TTBK1: variants seen among roughly 807,000 people sequenced by gnomAD.
TTBK1 encodes tau-tubulin kinase 1.
A neutral mutation model predicts 108.5 loss-of-function variants in TTBK1; 34 were observed. The observed-to-expected ratio is 0.31, with a 90% CI of 0.24 to 0.42. The LOEUF (loss-of-function observed/expected upper bound fraction) is 0.42, where lower values mean the gene tolerates loss of function less well. TTBK1 is among the 10% of genes least tolerant of loss of function. The pLI, the probability that TTBK1 is intolerant of heterozygous loss-of-function variation, is 1.00. For missense variants in TTBK1, 1,539 were observed against 1,826.0 expected, an observed-to-expected ratio of 0.84 and a Z score of 2.86; for synonymous variants, 809 against 795.1, an observed-to-expected ratio of 1.02 and a Z score of -0.29.
rs748847079 is a variant in TTBK1 at position 43,284,239 on chromosome 6, C to A, written c.3499C>A (p.Pro1167Thr). The change falls in exon 14 of 15, where the codon CCT (proline) becomes ACT (threonine). Residue 1167 changes from proline (P) to threonine (T), a missense_variant. This residue lies in a region of TTBK1 where 1,055 missense variants were observed against 1,086.5 expected (regional missense o/e 0.97). Transcript: ENST00000259750. ...PRPIGLRMPMPVAAQQPASRS... is the reference protein window; with the variant it reads ...PRPIGLRMPMTVAAQQPASRS... ...CCCCATTGGCCTCCGCATGCCCATG[C>A]CTGTTGCAGCCCAGCAGCCCGCCAG... 6.3e-7 allele frequency: 1 copy of A among 1,596,526 alleles called. No homozygotes were observed. The highest frequency in any genetic ancestry group is 8.5e-7 in the Non-Finnish European group (1 of 1,178,418).
chr6:43,263,141 G>A lies in TTBK1; in HGVS notation c.1777G>A (p.Val593Ile), dbSNP rs1173499881. ...ERRRLGAEPT[V>I]RPRGRSMQAL... is the part of the protein sequence containing the mutation. ...GCGGCGGCTGGGGGCAGAGCCCACC[G>A]TCCGGCCCCGGGGACGCAGCATGCA... The change falls in exon 13 of 15, where the codon GTC (valine) becomes ATC (isoleucine). Residue 593 changes from valine to isoleucine, a missense_variant. By Grantham distance (29) the Val-to-Ile change is conservative. Transcript: ENST00000259750. The surrounding 1 kb of genome is among the most constrained non-coding windows in gnomAD (Gnocchi z 4.7). 5 of 1,567,252 alleles carry A rather than the reference G, an allele frequency of 3.2e-6. No homozygotes were observed. Among genetic ancestry groups the A allele is most frequent in the Non-Finnish European group, 4.3e-6 (5 of 1,154,938 alleles).
Position 43,285,516 on chromosome 6 carries a change from G to C in TTBK1, c.*140G>C. 1 of 1,129,220 alleles carries C rather than the reference G, an allele frequency of 8.9e-7. No individual in the cohort carries two copies. Among genetic ancestry groups the C allele is most frequent in the South Asian group, 4.6e-5 (1 of 21,770 alleles). 70.0% of individuals were successfully genotyped at this position (1,129,220 alleles called of 1,614,324 possible). Reference sequence around the variant, plus strand: ...GCCCCAGCTTTCCGCCTGCACCCGCGAGGACGCGCGCGAGCACACGCGGCG... The same window carrying C: ...GCCCCAGCTTTCCGCCTGCACCCGCCAGGACGCGCGCGAGCACACGCGGCG... On this transcript the variant is annotated 3_prime_UTR_variant, in exon 15 of 15. Transcript: ENST00000259750. The surrounding 1 kb of genome is among the most constrained non-coding windows in gnomAD (Gnocchi z 4.7).
Position 43,278,569 on chromosome 6 carries a change from G to A in TTBK1, c.1987-4158G>A, listed in dbSNP as rs114229717. ...GCAACTCTGGACAATGTTGTGCCAA[G>A]CCAGGCCTGGGAACCACAATAAGCA... On this transcript the variant is annotated intron_variant, in intron 13 of 14. Transcript: ENST00000259750. 5.2e-3 allele frequency among the ~76,000 whole-genome samples: 798 copies of A among 152,314 alleles called. 7 individuals carry two copies. The highest frequency in any genetic ancestry group is 0.018 in the African/African-American group (753 of 41,558).
Position 43,282,138 on chromosome 6 carries a change from C to A in TTBK1, c.1987-589C>A, listed in dbSNP as rs1313744029. 1.3e-5 allele frequency among the ~76,000 whole-genome samples: 2 copies of A among 152,244 alleles called. No homozygotes were observed. The highest frequency in any genetic ancestry group is 2.9e-5 in the Non-Finnish European group (2 of 68,040). On this transcript the variant is annotated intron_variant, in intron 13 of 14. Coordinates refer to ENST00000259750, the MANE Select transcript of TTBK1 (RefSeq NM_032538.3). The surrounding 1 kb of genome is among the most constrained non-coding windows in gnomAD (Gnocchi z 5.4). The stretch of plus-strand genomic sequence containing the variant: ...TTTTAAGGGTAGAGGACAGCCCCGC[C>A]TTTGCCCTTGTCCAGCACAGGATCT...
chr6:43,271,701 C>A, intron 13 of TTBK1: 1 of 985,330 alleles, frequency 1.0e-6, no homozygotes, highest in Non-Finnish European at 1.2e-6. Flanking sequence ...TCATCCACAC[C>A]ATTCACATAA....
At position 43,279,602 on chromosome 6, in the gene TTBK1, A is replaced by C. The variant is rs754062087; in HGVS notation, c.1987-3125A>C. ...TCCAGCCATTTTCTCTAGCCATAAC[A>C]TTGGTGACTGGCAAAGTGTCCCAGC... On this transcript the variant is annotated intron_variant, in intron 13 of 14. Transcript: ENST00000259750. Among the ~76,000 whole-genome samples the C allele has an allele frequency of 1.7e-3, 258 of 152,212 alleles. 1 individual carries two copies. The highest frequency in any genetic ancestry group is 0.014 in the Middle Eastern group (4 of 294).
chr6:43,265,011 T>C lies in TTBK1; in HGVS notation c.1986+1661T>C, dbSNP rs1328494611. On this transcript the variant is annotated intron_variant, in intron 13 of 14. Coordinates refer to ENST00000259750, the MANE Select transcript of TTBK1 (RefSeq NM_032538.3). This position sits in a 1 kb window ranked among gnomAD's most constrained non-coding sequence, Gnocchi z 4.1. ...TTCTGACAAGGACAGGGTGTCAGAA[T>C]AGGCAGAGAGCCACTGGCCTGACCA... 6.6e-6 allele frequency among the ~76,000 whole-genome samples: 1 copy of C among 152,202 alleles called. No homozygotes were observed. Among genetic ancestry groups the C allele is most frequent in the African/African-American group, 2.4e-5 (1 of 41,456 alleles).
chr6:43,272,197 A>G, intron 13 of TTBK1: 3 of 985,374 alleles, frequency 3.0e-6, no homozygotes, highest in Non-Finnish European at 3.6e-6. Context: ...AGTGTGGGCA[A>G]GGGCCCCCCC....
chr6:43,262,611 G>A (rs1164714573), intron 12 of TTBK1, among the ~76,000 whole-genome samples, 178 bp from the exon 13 acceptor site: 3 of 152,224 alleles, frequency 2.0e-5, no homozygotes, highest in African/African-American at 4.8e-5. Context: ...AACTAACAAA[G>A]CCTTGATAGG....
Position 43,253,217 on chromosome 6 carries a change from C to T in TTBK1, c.257-74C>T. 6.5e-7 allele frequency: 1 copy of T among 1,530,800 alleles called. No homozygotes were observed. Among genetic ancestry groups the T allele is most frequent in the Admixed American group, 1.7e-5 (1 of 59,856 alleles). 94.8% of individuals were successfully genotyped at this position (1,530,800 alleles called of 1,614,324 possible). On this transcript the variant is annotated intron_variant, in intron 3 of 14. Transcript: ENST00000259750. This position sits in a 1 kb window ranked among gnomAD's most constrained non-coding sequence, Gnocchi z 5.8. Reference sequence around the variant, plus strand: ...GGAGGGACCAGGAATCAAGAGTGCACTAGGAACCCATCTTAGGGTTGGAAA... The same window carrying T: ...GGAGGGACCAGGAATCAAGAGTGCATTAGGAACCCATCTTAGGGTTGGAAA...
intron 13 of TTBK1, among the ~76,000 whole-genome samples, chr6:43,264,355 C>G (rs1258468291): frequency 6.6e-6 from 1 of 152,046 alleles, no homozygotes; most frequent in Non-Finnish European, 1.5e-5. Context: ...TGCACTCCAG[C>G]CTGGGTGACA....
intron 7 of TTBK1, 83 bp downstream of exon 7, chr6:43,255,197 G>GA: frequency 1.3e-5 from 8 of 638,344 alleles, no homozygotes; most frequent in Middle Eastern, 2.9e-4. Flanking sequence ...GAGGGGTGGG[G>GA]AGAGGAGAGT....
At chr6:43,255,969 C>G in intron 9 of TTBK1, 113 bp downstream of exon 9, 1 of 1,372,362 alleles carries the variant, frequency 7.3e-7, no homozygotes, top group South Asian at 1.3e-5. Flanking sequence ...CCCCAAGCCT[C>G]TCCCCTTGGT....
intron 1 of TTBK1, among the ~76,000 whole-genome samples, chr6:43,244,025 C>T (rs919598735): frequency 6.6e-6 from 1 of 152,136 alleles, no homozygotes; most frequent in Non-Finnish European, 1.5e-5. Context: ...TCGGCTGTCT[C>T]CGTAACCTCC....
At chr6:43,264,063 T>C (rs1054093317) in intron 13 of TTBK1, among the ~76,000 whole-genome samples, 1 of 152,058 alleles carries the variant, frequency 6.6e-6, no homozygotes, top group African/African-American at 2.4e-5. Flanking sequence ...TGAGTGGTTT[T>C]GAAGGGAATG....
chr6:43,283,618 C>G lies in TTBK1; in HGVS notation c.2878C>G (p.Leu960Val), dbSNP rs958470285. The G allele has an allele frequency of 3.7e-6, 6 of 1,614,026 alleles. No homozygotes were observed. The highest frequency in any genetic ancestry group is 5.1e-6 in the Non-Finnish European group (6 of 1,180,016). Reference protein sequence around the residue: ...RSEEFSAGGELGLELASDGGA... With the variant: ...RSEEFSAGGEVGLELASDGGA... ...TGAGGAGTTCAGCGCTGGGGGCGAGCTGGGTCTGGAGCTGGCCTCTGATGG... is the reference window on the plus strand; with the variant it reads ...TGAGGAGTTCAGCGCTGGGGGCGAGGTGGGTCTGGAGCTGGCCTCTGATGG... The change falls in exon 14 of 15, where the codon CTG (leucine) becomes GTG (valine). Residue 960 changes from leucine (L) to valine (V), a missense_variant. Physicochemically the swap from Leu to Val is conservative, Grantham distance 32. Transcript: ENST00000259750. The surrounding 1 kb of genome is among the most constrained non-coding windows in gnomAD (Gnocchi z 8.1).
At chr6:43,281,406 C>G (rs1016972332) in intron 13 of TTBK1, among the ~76,000 whole-genome samples, 3 of 150,978 alleles carry the variant, frequency 2.0e-5, no homozygotes, top group Non-Finnish European at 1.5e-5. Flanking sequence ...TCTGAACTGT[C>G]TCCTAAGGAC....
Position 43,283,956 on chromosome 6 carries a change from A to T in TTBK1, c.3216A>T (p.Ser1072=), listed in dbSNP as rs1778273945. The T allele has an allele frequency of 3.1e-6, 5 of 1,612,438 alleles. No individual in the cohort carries two copies. The highest frequency in any genetic ancestry group is 4.2e-6 in the Non-Finnish European group (5 of 1,179,208). ...ACACGGGCTCGGAGCCCTCAGGCTC[A>T]CTGTCGGCCAAAGAGCGGTGGAGCA... The part of the protein sequence containing the change: ...EEDTGSEPSG[S]LSAKERWSKR... Residue 1072 remains serine (S), a synonymous_variant, in exon 14 of 15, where the codon TCA becomes TCT. Coordinates refer to ENST00000259750, the MANE Select transcript of TTBK1 (RefSeq NM_032538.3). The surrounding 1 kb of genome is among the most constrained non-coding windows in gnomAD (Gnocchi z 8.1).
Position 43,285,081 on chromosome 6 carries a change from G to C in TTBK1, c.3671G>C (p.Gly1224Ala). ...CTGGGCCCAGGGCGAGCCCAAGCCG[G>C]AGCCAGGCCCCCAGCGCCGCGCAGC... Reference protein sequence around the residue: ...RGLGPGRAQAGARPPAPRSPR... With the variant: ...RGLGPGRAQAAARPPAPRSPR... Residue 1224 changes from glycine (G) to alanine (A), a missense_variant, in exon 15 of 15, where the codon GGA becomes GCA. Physicochemically the swap from Gly to Ala is moderately conservative, Grantham distance 60. Transcript: ENST00000259750. This position sits in a 1 kb window ranked among gnomAD's most constrained non-coding sequence, Gnocchi z 4.7. The C allele has an allele frequency of 6.0e-6, 9 of 1,490,254 alleles. No individual in the cohort carries two copies. Among genetic ancestry groups the C allele is most frequent in the Non-Finnish European group, 8.0e-6 (9 of 1,128,152 alleles). 92.3% of individuals were successfully genotyped at this position (1,490,254 alleles called of 1,614,324 possible).
Sources: allele counts gnomAD v4.1 joint callset (sites outside exome capture counted in the v4.1 genomes callset), GRCh38; gene constraint gnomAD v4.1.1; regional missense constraint gnomAD v4.1.1; non-coding constraint Gnocchi (gnomAD v3.1); transcripts MANE v1.5; gene names NCBI Gene and HGNC (gene_info 2026-07-23, HGNC 2026-07-21).